The following LPAR1 variants were observed in gnomAD, a reference collection of about 807,000 sequenced individuals.
LPAR1 encodes lysophosphatidic acid receptor 1.
LPAR1 carries 5 observed loss-of-function variants against 23.8 expected under a neutral mutation model. The ratio of observed to expected loss-of-function variants is 0.21; its 90% CI spans 0.11 to 0.44. LPAR1 has a LOEUF of 0.44. LPAR1 is among the 20% of genes least tolerant of loss of function. The pLI is 0.99. For synonymous variants in LPAR1, 160 were observed against 164.7 expected (o/e 0.97, Z 0.22); for missense variants, 311 against 482.8 (o/e 0.64, Z 3.33).
intron 2 of LPAR1, among the ~76,000 whole-genome samples, chr9:111,018,470 A>C (rs1215348660): frequency 6.6e-6 from 1 of 152,260 alleles, no homozygotes; most frequent in Non-Finnish European, 1.5e-5. Flanking sequence ...TCACTATAAC[A>C]GTAGCTGAAT....
chr9:110,966,929 T>C (rs1055830122), intron 4 of LPAR1, among the ~76,000 whole-genome samples: 3 of 152,176 alleles, frequency 2.0e-5, no homozygotes, highest in Admixed American at 2.0e-4. Flanking sequence ...AAGCACAGGG[T>C]AATGCTTAAC....
chr9:110,951,100 T>A (rs1316982762), intron 4 of LPAR1, among the ~76,000 whole-genome samples: 3 of 152,150 alleles, frequency 2.0e-5, no homozygotes, highest in East Asian at 3.9e-4. Context: ...TACCCATCAA[T>A]TGAGAAAATG....
At chr9:110,889,205 CA>C (rs1314022673) in intron 5 of LPAR1, among the ~76,000 whole-genome samples, 1 of 151,944 alleles carries the variant, frequency 6.6e-6, no homozygotes, top group Non-Finnish European at 1.5e-5. Context: ...ACTAAAAATA[CA>C]AAAATTAGCC....
At chr9:110,937,497 T>TA (rs2094800854) in intron 5 of LPAR1, among the ~76,000 whole-genome samples, 1 of 152,202 alleles carries the variant, frequency 6.6e-6, no homozygotes, top group Non-Finnish European at 1.5e-5. Context: ...CCTCAGTTTT[T>TA]ATCAACTGGA....
At chr9:110,998,591 G>A (rs1028293594) in intron 2 of LPAR1, among the ~76,000 whole-genome samples, 1 of 152,130 alleles carries the variant, frequency 6.6e-6, no homozygotes. Context: ...ACTTCATCCC[G>A]GCAAGCGTCT....
chr9:110,925,932 T>G (rs2093990682), intron 5 of LPAR1, among the ~76,000 whole-genome samples: 1 of 152,088 alleles, frequency 6.6e-6, no homozygotes, highest in Non-Finnish European at 1.5e-5. Flanking sequence ...TTGTTTTTTG[T>G]TTTTTTGAGT....
chr9:111,035,210 C>T (rs2097870037), intron 2 of LPAR1, among the ~76,000 whole-genome samples: 1 of 149,058 alleles, frequency 6.7e-6, no homozygotes, highest in African/African-American at 2.5e-5. Flanking sequence ...CTAAGACATC[C>T]ATAATAGTTT....
chr9:110,952,851 C>A (rs2095613714), intron 4 of LPAR1, among the ~76,000 whole-genome samples: 2 of 152,142 alleles, frequency 1.3e-5, no homozygotes, highest in South Asian at 4.1e-4. Context: ...TGGCCCAGCT[C>A]CACTGTCTAC....
intron 4 of LPAR1, among the ~76,000 whole-genome samples, chr9:110,943,366 A>C (rs931599019): frequency 2.4e-4 from 36 of 151,986 alleles, no homozygotes; most frequent in Non-Finnish European, 5.1e-4. Context: ...TTTTTGATCA[A>C]ATATTCTACT....
At chr9:110,979,608 T>A (rs1323163951) in intron 2 of LPAR1, among the ~76,000 whole-genome samples, 1 of 151,964 alleles carries the variant, frequency 6.6e-6, no homozygotes, top group Non-Finnish European at 1.5e-5. Flanking sequence ...CTATAAAATA[T>A]CAAAAAGCAG....
In LPAR1 at chr9:111,012,984, T is replaced by C. The variant is rs145611116; in HGVS notation, c.-182+23138A>G. 5.2e-3 allele frequency among the ~76,000 whole-genome samples: 787 copies of C among 151,352 alleles called. 9 individuals are homozygous for C. The highest frequency in any genetic ancestry group is 0.018 in the African/African-American group (739 of 40,868). ...TTTTCAAATTTTCTTCTGTTAATGT[T>C]AAGCTTTACGTGATTTAGAAAATGT... On this transcript the variant is annotated intron_variant, in intron 2 of 5. Transcript: ENST00000683809.
chr9:111,007,778 T>C (rs2097250380), intron 2 of LPAR1, among the ~76,000 whole-genome samples: 1 of 152,136 alleles, frequency 6.6e-6, no homozygotes, highest in African/African-American at 2.4e-5. Context: ...TGTTTATCAT[T>C]GGAAAAGAAA....
intron 4 of LPAR1, among the ~76,000 whole-genome samples, chr9:110,954,697 GA>G (rs902291759): frequency 1.3e-5 from 2 of 151,692 alleles, no homozygotes; most frequent in Non-Finnish European, 1.5e-5. Context: ...GCTGAAGGAG[GA>G]AAAAAACAAA....
intron 2 of LPAR1, among the ~76,000 whole-genome samples, chr9:111,033,001 A>G (rs1328650816): frequency 6.6e-6 from 1 of 152,234 alleles, no homozygotes; most frequent in Admixed American, 6.5e-5. Flanking sequence ...ATGCAGGCTT[A>G]TTGCACGTTT....
intron 5 of LPAR1, among the ~76,000 whole-genome samples, chr9:110,908,722 GA>G (rs1244091366): frequency 1.3e-5 from 2 of 152,144 alleles, no homozygotes; most frequent in Admixed American, 6.6e-5. Context: ...GCCCTTGCTG[GA>G]AAGAACTATA....
chr9:110,954,087 G>A (rs1252264812), intron 4 of LPAR1, among the ~76,000 whole-genome samples: 1 of 151,948 alleles, frequency 6.6e-6, no homozygotes, highest in Non-Finnish European at 1.5e-5. Flanking sequence ...GGATATAAAT[G>A]AGAAATTTAG....
intron 2 of LPAR1, among the ~76,000 whole-genome samples, chr9:110,995,201 C>T (rs1463978670): frequency 6.6e-6 from 1 of 152,016 alleles, no homozygotes; most frequent in Non-Finnish European, 1.5e-5. Context: ...GTTGTTTGGC[C>T]CACAATGTGC....
chr9:110,961,908 G>C (rs189426993), intron 4 of LPAR1, among the ~76,000 whole-genome samples: 2 of 152,126 alleles, frequency 1.3e-5, no homozygotes, highest in African/African-American at 4.8e-5. Context: ...TGGGAGCTAC[G>C]ATTCAGGATA....
At chr9:110,910,921 G>A (rs1010300718) in intron 5 of LPAR1, among the ~76,000 whole-genome samples, 3 of 152,170 alleles carry the variant, frequency 2.0e-5, no homozygotes, top group Non-Finnish European at 2.9e-5. Flanking sequence ...AGCAAAGAAA[G>A]TGGTCTCTGG....
Sources: gnomAD v4.1 joint callset for allele counts (sites outside exome capture counted in the v4.1 genomes callset) on GRCh38, gnomAD v4.1.1 for gene constraint, MANE v1.5 for transcripts, NCBI Gene and HGNC (gene_info 2026-07-23, HGNC 2026-07-21) for gene names.